The following SLC1A2 variants were observed in gnomAD, a reference collection of about 807,000 sequenced individuals.
SLC1A2 encodes solute carrier family 1 member 2, also known as excitatory amino acid transporter 2.
Under a neutral mutation model 48.8 loss-of-function variants are expected in SLC1A2, and 15 were observed. The ratio of observed to expected loss-of-function variants is 0.31; its 90% CI spans 0.21 to 0.47. SLC1A2 has a LOEUF of 0.47. Ranked by LOEUF, SLC1A2 falls within the 20% of genes least tolerant of loss-of-function variation. SLC1A2 has a pLI of 0.99. For synonymous variants in SLC1A2, 279 were observed against 272.6 expected, an observed-to-expected ratio of 1.02 and a Z score of -0.23; for missense variants, 502 against 730.5, an observed-to-expected ratio of 0.69 and a Z score of 3.61.
At chr11:35,264,211 G>T (rs1271815154) in intron 10 of SLC1A2, 1 of 152,214 alleles carries the variant, frequency 6.6e-6, no homozygotes, top group Non-Finnish European at 1.5e-5. Flanking sequence ...ACAAGAAAAA[G>T]CCTGTGCTAG....
At chr11:35,348,782 A>G (rs929864417) in intron 1 of SLC1A2, among the ~76,000 whole-genome samples, 3 of 150,766 alleles carry the variant, frequency 2.0e-5, no homozygotes, top group Non-Finnish European at 4.4e-5. Flanking sequence ...AATCCCAGCT[A>G]CTCGGGAGGC....
intron 6 of SLC1A2, among the ~76,000 whole-genome samples, chr11:35,297,117 T>A (rs1045629310): frequency 1.3e-5 from 2 of 152,220 alleles, no homozygotes; most frequent in Admixed American, 6.5e-5. Context: ...TGGCCTCTTC[T>A]GGGCTCTTTG....
chr11:35,303,468 C>A (rs1171464057), intron 5 of SLC1A2, among the ~76,000 whole-genome samples: 2 of 152,140 alleles, frequency 1.3e-5, no homozygotes, highest in African/African-American at 4.8e-5. Context: ...GAACTAGTTC[C>A]GCAGTAATGT....
chr11:35,261,761 G>C, intron 10 of SLC1A2: 1 of 398,486 alleles, frequency 2.5e-6, no homozygotes, highest in Non-Finnish European at 4.4e-6. Flanking sequence ...GAAAGCATTA[G>C]AATATGGAGA....
intron 1 of SLC1A2, among the ~76,000 whole-genome samples, chr11:35,328,189 G>A (rs776426712): frequency 1.3e-5 from 2 of 152,098 alleles, no homozygotes; most frequent in East Asian, 1.9e-4. Context: ...TTCAGGCAAC[G>A]AGGGCACACA....
Position 35,402,430 on chromosome 11 carries a change from A to G in SLC1A2, c.17+16520T>C, listed in dbSNP as rs540474336. 2.0e-5 allele frequency among the ~76,000 whole-genome samples: 3 copies of G among 152,310 alleles called. No homozygotes were observed. In the East Asian group the frequency reaches 5.8e-4, roughly 29 times the overall value. On this transcript the variant is annotated intron_variant, in intron 1 of 10. Coordinates refer to ENST00000278379, the MANE Select transcript of SLC1A2 (RefSeq NM_004171.4). ...GGTGCTGGGAGGGTGGCCCACCCAG[A>G]GAGGCATGAAAGCTCCGAGCCCTTC...
intron 1 of SLC1A2, among the ~76,000 whole-genome samples, chr11:35,406,884 G>A (rs1193963035): frequency 6.6e-6 from 1 of 152,124 alleles, no homozygotes; most frequent in East Asian, 1.9e-4. Context: ...ACATACATTT[G>A]GGAGTTATCA....
intron 1 of SLC1A2, among the ~76,000 whole-genome samples, chr11:35,382,950 T>G (rs1367192432): frequency 1.3e-5 from 2 of 152,162 alleles, no homozygotes; most frequent in African/African-American, 4.8e-5. Flanking sequence ...TTTTCCTACC[T>G]GCACGCTCCA....
At chr11:35,338,460 T>G (rs779459663) in intron 1 of SLC1A2, among the ~76,000 whole-genome samples, 1 of 152,154 alleles carries the variant, frequency 6.6e-6, no homozygotes, top group Non-Finnish European at 1.5e-5. Context: ...GGATACTCTA[T>G]CCTCATAACC....
At chr11:35,341,699 G>T (rs1319365043) in intron 1 of SLC1A2, among the ~76,000 whole-genome samples, 1 of 152,300 alleles carries the variant, frequency 6.6e-6, no homozygotes, top group East Asian at 1.9e-4. Flanking sequence ...GGTGTTGGGG[G>T]TAAGTTTGGT....
intron 1 of SLC1A2, among the ~76,000 whole-genome samples, chr11:35,358,868 G>C (rs1260154442): frequency 6.6e-6 from 1 of 152,068 alleles, no homozygotes; most frequent in East Asian, 1.9e-4. Flanking sequence ...GGGAGGCGGT[G>C]GTCATTGTCA....
chr11:35,395,714 T>C (rs1476444525), intron 1 of SLC1A2, among the ~76,000 whole-genome samples: 2 of 150,246 alleles, frequency 1.3e-5, no homozygotes. Context: ...TTAGGGTACA[T>C]GTGCACATTG....
chr11:35,350,085 C>T (rs940310262), intron 1 of SLC1A2, among the ~76,000 whole-genome samples: 3 of 152,106 alleles, frequency 2.0e-5, no homozygotes, highest in South Asian at 2.1e-4. Context: ...ATACAAAGGG[C>T]GCAGTACTGT....
chr11:35,337,410 A>G (rs7926298), intron 1 of SLC1A2, among the ~76,000 whole-genome samples: 11,585 of 152,228 alleles, frequency 0.076, 744 homozygotes, highest in African/African-American at 0.17. Flanking sequence ...TGTAAAACAG[A>G]CATCTGAGTC....
intron 1 of SLC1A2, among the ~76,000 whole-genome samples, chr11:35,389,109 C>T (rs1028890119): frequency 7.9e-5 from 12 of 151,566 alleles, no homozygotes; most frequent in Admixed American, 1.3e-4. Flanking sequence ...TTTTTAAAAA[C>T]CTAAATATGT....
chr11:35,381,483 C>T (rs1019663804), intron 1 of SLC1A2, among the ~76,000 whole-genome samples: 1 of 152,106 alleles, frequency 6.6e-6, no homozygotes, highest in Non-Finnish European at 1.5e-5. Flanking sequence ...TCTGCTGTAT[C>T]CAAAGCCTGC....
intron 1 of SLC1A2, among the ~76,000 whole-genome samples, chr11:35,346,663 T>C (rs1168920800): frequency 6.6e-6 from 1 of 152,264 alleles, no homozygotes; most frequent in Non-Finnish European, 1.5e-5. Context: ...AACTGTTTGT[T>C]GAGTGACTCA....
chr11:35,419,970 C>A, upstream of SLC1A2: 2 of 468,700 alleles, frequency 4.3e-6, no homozygotes, highest in Non-Finnish European at 8.8e-6. The surrounding 1 kb of genome is among the most constrained non-coding windows in gnomAD (Gnocchi z 5.4). Context: ...CCAGGTCCAG[C>A]GGAGTCGAGC....
intron 1 of SLC1A2, among the ~76,000 whole-genome samples, chr11:35,413,205 A>G (rs535691969): frequency 1.3e-5 from 2 of 152,334 alleles, no homozygotes; most frequent in Non-Finnish European, 2.9e-5. Flanking sequence ...CATATGCCCT[A>G]TCTCAGGAGA....
Sources: gnomAD v4.1 joint callset for allele counts (sites outside exome capture counted in the v4.1 genomes callset) on GRCh38, gnomAD v4.1.1 for gene constraint, Gnocchi (gnomAD v3.1) non-coding constraint, MANE v1.5 for transcripts, NCBI Gene and HGNC (gene_info 2026-07-23, HGNC 2026-07-21) for gene names.